Variants in PACSIN3 observed in about 807,000 individuals in gnomAD.
The protein encoded by PACSIN3 is protein kinase C and casein kinase substrate in neurons 3, also known as protein kinase C and casein kinase substrate in neurons protein 3.
PACSIN3 carries 34 observed loss-of-function variants against 56.1 expected under a neutral mutation model. The observed-to-expected ratio is 0.61, with a 90% confidence interval of 0.46 to 0.81. PACSIN3 has a LOEUF of 0.81. Ranked by LOEUF, PACSIN3 falls within the 30% of genes least tolerant of loss-of-function variation. The pLI is 0.00. For missense variants in PACSIN3, 535 were observed against 592.4 expected (o/e 0.90, Z 1.01); for synonymous variants, 218 against 229.8 (o/e 0.95, Z 0.46).
In PACSIN3 at chr11:47,177,806, C is replaced by G; in HGVS notation, c.*125G>C. 1 of 755,312 alleles carries G rather than the reference C, an allele frequency of 1.3e-6. No individual in the cohort carries two copies. The highest frequency in any genetic ancestry group is 2.3e-6 in the Non-Finnish European group (1 of 438,266). 46.8% of individuals were successfully genotyped at this position (755,312 alleles called of 1,614,324 possible). A position where few individuals can be genotyped will look rare whatever the true frequency, so the allele number is the denominator to read the frequency against. ...CTCCCCTCCCTGGGTCCCAGGACTT[C>G]CTCCCTCAAGGGACAGAGGAGCAGC... On this transcript the variant is annotated 3_prime_UTR_variant, in exon 11 of 11. Transcript: ENST00000298838.
chr11:47,181,225 G>A (rs890184970), intron 4 of PACSIN3, among the ~76,000 whole-genome samples: 1 of 151,822 alleles, frequency 6.6e-6, no homozygotes, highest in African/African-American at 2.4e-5. Context: ...TCACGCCGCT[G>A]TACTCCAGCC....
Position 47,179,425 on chromosome 11 carries a change from A to G in PACSIN3, c.765T>C (p.Leu255=), listed in dbSNP as rs1278856535. ...GCAGTTCATACTTCTCACTGCTGGA[A>G]AGGTCCAGGTGCTGGTGTAAGGTGA... ...MLLTLHQHLD[L]SSSEKFHELH... The change falls in exon 7 of 11, where the codon CTT becomes CTC. Residue 255 remains leucine (L), a synonymous_variant. Transcript: ENST00000298838. This position sits in a 1 kb window ranked among gnomAD's most constrained non-coding sequence, Gnocchi z 4.4. 2 of 1,614,046 alleles carry G rather than the reference A, an allele frequency of 1.2e-6. No individual in the cohort carries two copies. The highest frequency in any genetic ancestry group is 1.7e-6 in the Non-Finnish European group (2 of 1,180,008).
At position 47,180,702 on chromosome 11, in the gene PACSIN3, G is replaced by A; in HGVS notation, c.212-12C>T. The A allele has an allele frequency of 6.3e-7, 1 of 1,586,426 alleles. No homozygotes were observed. Among genetic ancestry groups the A allele is most frequent in the Non-Finnish European group, 8.5e-7 (1 of 1,171,594 alleles). On this transcript the variant is annotated splice_polypyrimidine_tract_variant and intron_variant, in intron 4 of 10. Coordinates refer to ENST00000298838, the MANE Select transcript of PACSIN3 (RefSeq NM_016223.5). The stretch of plus-strand genomic sequence containing the variant: ...GCCATACTGGGGGCCTGCAGGGAGG[G>A]ACAGGGCTTAGGCCAGGCCTGGGTA...
Position 47,178,584 on chromosome 11 carries a change from G to T in PACSIN3, c.1038-97C>A. The stretch of plus-strand genomic sequence containing the variant: ...GGGCAAAGGCCTCCCTACCCCCAGA[G>T]GCACCTGGGAGAGTCAGGTGAGGTA... On this transcript the variant is annotated intron_variant, in intron 9 of 10. Coordinates refer to ENST00000298838, the MANE Select transcript of PACSIN3 (RefSeq NM_016223.5). This position sits in a 1 kb window ranked among gnomAD's most constrained non-coding sequence, Gnocchi z 4.2. 6.8e-7 allele frequency: 1 copy of T among 1,468,424 alleles called. No individual in the cohort carries two copies. Among genetic ancestry groups the T allele is most frequent in the Non-Finnish European group, 9.2e-7 (1 of 1,088,816 alleles). The allele number at this position is 1,468,424 out of a possible 1,614,324, so 91.0% of individuals were successfully genotyped here.
In PACSIN3 at chr11:47,180,557, C is replaced by T. The variant is rs1228316783; in HGVS notation, c.345G>A (p.Arg115=). 2 of 1,603,768 alleles carry T rather than the reference C, an allele frequency of 1.2e-6. No individual in the cohort carries two copies. The highest frequency in any genetic ancestry group is 2.2e-5 in the East Asian group (1 of 44,878). The change falls in exon 5 of 11, where the codon CGG becomes CGA. Residue 115 remains arginine (R), a synonymous_variant. Transcript: ENST00000298838. ...QDSERVRAWQ[R]GAFHRPVLGG... is the part of the protein sequence containing the mutation. ...CCAGCACAGGCCGGTGGAAAGCCCC[C>T]CGCTGCCAGGCGCGCACCCGCTCAC...
chr11:47,184,557 AAACGCGCCCGCTCCAG>A (rs1953084734), intron 1 of PACSIN3: 1 of 152,276 alleles, frequency 6.6e-6, no homozygotes, highest in South Asian at 2.1e-4. Flanking sequence ...GGAGCGCAGG[AAACGCGCCCGCTCCAG>A]CAGCTGTGGG....
chr11:47,183,716 G>A lies in PACSIN3; in HGVS notation c.-103-647C>T, dbSNP rs562023120. On this transcript the variant is annotated intron_variant, in intron 1 of 10. Coordinates refer to ENST00000298838, the MANE Select transcript of PACSIN3 (RefSeq NM_016223.5). ...GCAGCATGGGGAAGTGAGAAGCGAT[G>A]GCCAACTATAAGAATGTCTCCCAGG... Among the ~76,000 whole-genome samples, 9 of 152,332 alleles carry A rather than the reference G, an allele frequency of 5.9e-5. No individual in the cohort carries two copies. In the East Asian group the frequency reaches 1.7e-3, roughly 29 times the overall value.
rs886934494 is a variant in PACSIN3, at chr11:47,179,365, G to A, written c.779+46C>T. 1 of 1,613,068 alleles carries A rather than the reference G, an allele frequency of 6.2e-7. No homozygotes were observed. Among genetic ancestry groups the A allele is most frequent in the Admixed American group, 1.7e-5 (1 of 60,000 alleles). ...GCCAGGGCCTCGGGGAGATGGAGGA[G>A]ACCCAGTACTACCCCAGATCTCCAT... On this transcript the variant is annotated intron_variant, in intron 7 of 10. Coordinates refer to ENST00000298838, the MANE Select transcript of PACSIN3 (RefSeq NM_016223.5). This position sits in a 1 kb window ranked among gnomAD's most constrained non-coding sequence, Gnocchi z 4.4.
At position 47,182,500 on chromosome 11, in the gene PACSIN3, G is replaced by A; in HGVS notation, c.114C>T (p.Asp38=). 6.2e-7 allele frequency: 1 copy of A among 1,611,894 alleles called. No homozygotes were observed. The highest frequency in any genetic ancestry group is 8.5e-7 in the Non-Finnish European group (1 of 1,179,958). The change falls in exon 4 of 11, where the codon GAC becomes GAT. Residue 38 remains aspartate (D), a synonymous_variant. Transcript: ENST00000298838. ...RVEDGHRLCG[D]LVSCFQERAR... is the part of the protein sequence containing the mutation. ...CGCGCTCCTGGAAGCAGCTGACCAG[G>A]TCCCCGCACAGCCGGTGCCCGTCCT...
Position 47,178,184 on chromosome 11 carries a change from G to A in PACSIN3, c.1160-138C>T, listed in dbSNP as rs1346666914. ...ATGGCTCAGGCAGAGGCAGGTCAAG[G>A]TCAGCAAGCTGCCCCACCCCAGACC... On this transcript the variant is annotated intron_variant, in intron 10 of 10. Transcript: ENST00000298838. The surrounding 1 kb of genome is among the most constrained non-coding windows in gnomAD (Gnocchi z 4.2). The A allele has an allele frequency of 1.7e-6, 2 of 1,165,812 alleles. No homozygotes were observed. Among genetic ancestry groups the A allele is most frequent in the Non-Finnish European group, 2.5e-6 (2 of 809,460 alleles). The allele number at this position is 1,165,812 out of a possible 1,614,324, so 72.2% of individuals were successfully genotyped here. A position where few individuals can be genotyped will look rare whatever the true frequency, so the allele number is the denominator to read the frequency against.
chr11:47,179,377 C>T lies in PACSIN3; in HGVS notation c.779+34G>A. On this transcript the variant is annotated intron_variant, in intron 7 of 10. Transcript: ENST00000298838. The surrounding 1 kb of genome is among the most constrained non-coding windows in gnomAD (Gnocchi z 4.4). ...GGGAGATGGAGGAGACCCAGTACTA[C>T]CCCAGATCTCCATGCCCACCAGGCA... is the stretch of plus-strand genomic sequence containing the variant. 1.2e-6 allele frequency: 2 copies of T among 1,613,390 alleles called. No homozygotes were observed. Among genetic ancestry groups the T allele is most frequent in the Non-Finnish European group, 1.7e-6 (2 of 1,179,542 alleles).
rs1590973193 is a variant in PACSIN3 at position 47,180,826 on chromosome 11, G to A, written c.212-136C>T. 10 of 662,424 alleles carry A rather than the reference G, an allele frequency of 1.5e-5. No homozygotes were observed. In the East Asian group the frequency reaches 2.2e-4, roughly 15 times the overall value. 41.0% of individuals were successfully genotyped at this position (662,424 alleles called of 1,614,324 possible). A position where few individuals can be genotyped will look rare whatever the true frequency, so the allele number is the denominator to read the frequency against. ...AGGTGAATGACAACCCTGTCAGCTG[G>A]GCTTATTGAATGAGGACCATGTGCC... On this transcript the variant is annotated intron_variant, in intron 4 of 10. Transcript: ENST00000298838.
Position 47,178,909 on chromosome 11 carries a change from G to A in PACSIN3, c.1022C>T (p.Ser341Phe). 3 of 1,613,906 alleles carry A rather than the reference G, an allele frequency of 1.9e-6. No homozygotes were observed. The highest frequency in any genetic ancestry group is 1.3e-5 in the African/African-American group (1 of 75,038). Residue 341 changes from serine to phenylalanine, a missense_variant, in exon 9 of 11, where the codon TCC becomes TTC. Coordinates refer to ENST00000298838, the MANE Select transcript of PACSIN3 (RefSeq NM_016223.5). This position sits in a 1 kb window ranked among gnomAD's most constrained non-coding sequence, Gnocchi z 4.2. ...TGGCTCTCACCCTGGGGACCCCGGG[G>A]ACTGGGGTGGGGGTGCGGTGCCATC... ...TRDGTAPPPQ[S>F]PGSPGTGQDE...
At chr11:47,181,010 C>T (rs538312846) in intron 4 of PACSIN3, among the ~76,000 whole-genome samples, 327 of 152,328 alleles carry the variant, frequency 2.1e-3, no homozygotes, top group Non-Finnish European at 3.6e-3. Flanking sequence ...CTCCTGTAAT[C>T]CCAGCACTTT....
chr11:47,177,894 A>G lies in PACSIN3; in HGVS notation c.*37T>C, dbSNP rs769176838. 1.7e-4 allele frequency: 257 copies of G among 1,510,548 alleles called. No homozygotes were observed. Among genetic ancestry groups the G allele is most frequent in the Non-Finnish European group, 1.7e-5 (18 of 1,086,128 alleles). The allele number at this position is 1,510,548 out of a possible 1,614,324, so 93.6% of individuals were successfully genotyped here. A position where few individuals can be genotyped will look rare whatever the true frequency, so the allele number is the denominator to read the frequency against. Reference sequence around the variant, plus strand: ...TCCAGGAGAAGCTGGGCTCTGAACCAGGGTGGGTAAACGTTGCAGAAGGGC... The same window carrying G: ...TCCAGGAGAAGCTGGGCTCTGAACCGGGGTGGGTAAACGTTGCAGAAGGGC... On this transcript the variant is annotated 3_prime_UTR_variant, in exon 11 of 11. Coordinates refer to ENST00000298838, the MANE Select transcript of PACSIN3 (RefSeq NM_016223.5).
intron 4 of PACSIN3, among the ~76,000 whole-genome samples, chr11:47,181,982 G>A (rs1013749698): frequency 1.3e-5 from 2 of 151,890 alleles, no homozygotes; most frequent in East Asian, 1.9e-4. Context: ...GTAAAACCCC[G>A]TCTTTACTAA....
chr11:47,180,001 T>C (rs1294702641), intron 6 of PACSIN3, among the ~76,000 whole-genome samples, 185 bp downstream of exon 6: 1 of 152,226 alleles, frequency 6.6e-6, no homozygotes, highest in Non-Finnish European at 1.5e-5. Context: ...AAACTCCATT[T>C]CTTTCCCTAG....
At position 47,180,324 on chromosome 11, in the gene PACSIN3, T is replaced by C. The variant is rs558405631; in HGVS notation, c.465A>G (p.Lys155=). Residue 155 remains lysine (K), a synonymous_variant, in exon 6 of 11, where the codon AAA becomes AAG. Coordinates refer to ENST00000298838, the MANE Select transcript of PACSIN3 (RefSeq NM_016223.5). ...CATCCTTCCGGGCTGCGTGGTAGCTTTTCTTGGAAGCCTCAACCTGGCATG... is the reference window on the plus strand; with the variant it reads ...CATCCTTCCGGGCTGCGTGGTAGCTCTTCTTGGAAGCCTCAACCTGGCATG... ...KRLKEVEASK[K]SYHAARKDEK... is the part of the protein sequence containing the mutation. 146 of 1,602,062 alleles carry C rather than the reference T, an allele frequency of 9.1e-5. No individual in the cohort carries two copies. The highest frequency in any genetic ancestry group is 7.4e-4 in the South Asian group (67 of 91,072).
At position 47,178,333 on chromosome 11, in the gene PACSIN3, GA is replaced by G; in HGVS notation, c.1159+32del. 6 of 1,611,220 alleles carry G rather than the reference GA, an allele frequency of 3.7e-6. No individual in the cohort carries two copies. The highest frequency in any genetic ancestry group is 5.1e-6 in the Non-Finnish European group (6 of 1,178,520). The stretch of plus-strand genomic sequence containing the variant: ...CACCCCTGCTCAGGCAGATAAGGCA[GA>G]GGCTGAAGCTAGGAAAGGGGTCCCA... On this transcript the variant is annotated intron_variant, in intron 10 of 10. Transcript: ENST00000298838. This position sits in a 1 kb window ranked among gnomAD's most constrained non-coding sequence, Gnocchi z 4.2.
Sources: allele counts gnomAD v4.1 joint callset (sites outside exome capture counted in the v4.1 genomes callset), GRCh38; gene constraint gnomAD v4.1.1; non-coding constraint Gnocchi (gnomAD v3.1); transcripts MANE v1.5; gene names NCBI Gene and HGNC (gene_info 2026-07-23, HGNC 2026-07-21).